The following SCARA3 variants were observed in gnomAD, a reference collection of about 807,000 sequenced individuals.
The protein encoded by SCARA3 is cellular stress response gene protein.
A neutral mutation model predicts 47.0 loss-of-function variants in SCARA3; 39 were observed. The observed-to-expected ratio is 0.83, with a 90% CI of 0.64 to 1.08. SCARA3 has a LOEUF of 1.08. Ranked by LOEUF, SCARA3 falls within the 50% of genes least tolerant of loss-of-function variation. The probability of loss-of-function intolerance (pLI) is 0.00; values close to 1 mark genes in which losing one functional copy is unlikely to be tolerated. For synonymous variants in SCARA3, 356 were observed against 334.1 expected (o/e 1.07, Z -0.71); for missense variants, 724 against 792.3 (o/e 0.91, Z 1.04).
intron 4 of SCARA3, 83 bp from the exon 5 acceptor site, chr8:27,658,413 A>T (rs551604647): frequency 1.5e-6 from 2 of 1,322,348 alleles, no homozygotes; most frequent in East Asian, 2.4e-5. Context: ...CCAATTTCTT[A>T]TGCTCTGAAA....
the SCARA3 span, among the ~76,000 whole-genome samples, chr8:27,719,765 T>C: frequency 7.2e-5 from 11 of 152,318 alleles, no homozygotes; most frequent in Middle Eastern, 3.4e-3. Context: ...GCAGATGTAG[T>C]AATTGGCAAA....
downstream of SCARA3, among the ~76,000 whole-genome samples, chr8:27,675,356 C>G (rs1460907888): frequency 1.3e-5 from 2 of 152,240 alleles, no homozygotes; most frequent in Admixed American, 6.5e-5. Context: ...GCTGGGCTGG[C>G]AAGCCTTGAC....
At position 27,671,163 on chromosome 8, in the gene SCARA3, C is replaced by A. The variant is rs761239583; in HGVS notation, c.1633C>A (p.Pro545Thr). 5.0e-5 allele frequency: 76 copies of A among 1,531,168 alleles called. No individual in the cohort carries two copies. The highest frequency in any genetic ancestry group is 5.5e-5 in the Non-Finnish European group (63 of 1,142,790). 94.8% of individuals were successfully genotyped at this position (1,531,168 alleles called of 1,614,324 possible). A position where few individuals can be genotyped will look rare whatever the true frequency, so the allele number is the denominator to read the frequency against. ...GQPGPKGDIG[P>T]PGPEGPPGSP... ...GCCAGGCCCAAAAGGGGACATAGGG[C>A]CCCCAGGGCCAGAAGGGCCCCCGGG... The change falls in exon 6 of 6, where the codon CCC becomes ACC. Residue 545 changes from proline (P) to threonine (T), a missense_variant. Pro to Thr is a conservative substitution (Grantham distance 38). Coordinates refer to ENST00000301904, the MANE Select transcript of SCARA3 (RefSeq NM_016240.3).
Position 27,658,731 on chromosome 8 carries a change from C to T in SCARA3, c.561C>T (p.Leu187=). The T allele has an allele frequency of 6.2e-7, 1 of 1,614,162 alleles. No homozygotes were observed. ...ACCAGGTTAACCAGTCTCTGGGGCTCTTCCTGGCCCAGGTGAGAGGCTGGC... is the reference window on the plus strand; with the variant it reads ...ACCAGGTTAACCAGTCTCTGGGGCTTTTCCTGGCCCAGGTGAGAGGCTGGC... ...SIHQVNQSLG[L]FLAQVRGWQA... Residue 187 remains leucine (L), a synonymous_variant, in exon 5 of 6, where the codon CTC becomes CTT. Coordinates refer to ENST00000301904, the MANE Select transcript of SCARA3 (RefSeq NM_016240.3).
the SCARA3 span, among the ~76,000 whole-genome samples, chr8:27,720,241 G>A: frequency 2.0e-5 from 3 of 152,136 alleles, no homozygotes; most frequent in Non-Finnish European, 4.4e-5. Flanking sequence ...TCTGAGTGGC[G>A]AGGGGAGGCC....
chr8:27,722,103 A>G, the SCARA3 span, among the ~76,000 whole-genome samples: 1 of 152,182 alleles, frequency 6.6e-6, no homozygotes, highest in East Asian at 1.9e-4. Context: ...ATGAAATGAA[A>G]TATTTATGAA....
intron 1 of SCARA3, among the ~76,000 whole-genome samples, chr8:27,643,519 C>T (rs757036142): frequency 6.6e-6 from 1 of 152,146 alleles, no homozygotes; most frequent in Non-Finnish European, 1.5e-5. Context: ...GATTCCCAAC[C>T]GATTACAGAC....
In SCARA3 at chr8:27,671,598, G is replaced by A. The variant is rs935623301; in HGVS notation, c.*247G>A. 9.7e-6 allele frequency: 12 copies of A among 1,234,008 alleles called. No individual in the cohort carries two copies. Among genetic ancestry groups the A allele is most frequent in the Non-Finnish European group, 1.2e-5 (12 of 989,410 alleles). The allele number at this position is 1,234,008 out of a possible 1,614,324, so 76.4% of individuals were successfully genotyped here. A position where few individuals can be genotyped will look rare whatever the true frequency, so the allele number is the denominator to read the frequency against. On this transcript the variant is annotated 3_prime_UTR_variant, in exon 6 of 6. Coordinates refer to ENST00000301904, the MANE Select transcript of SCARA3 (RefSeq NM_016240.3). The stretch of plus-strand genomic sequence containing the variant: ...CACACATGCACACATACACGCACAT[G>A]CACACATACACATGCATGCACACAT...
chr8:27,651,020 C>T (rs1018580170), intron 2 of SCARA3, among the ~76,000 whole-genome samples: 1 of 152,206 alleles, frequency 6.6e-6, no homozygotes, highest in Non-Finnish European at 1.5e-5. Context: ...CTACTGTACC[C>T]GGCAGGCTTT....
the SCARA3 span, among the ~76,000 whole-genome samples, chr8:27,706,386 C>T: frequency 6.6e-6 from 1 of 152,200 alleles, no homozygotes; most frequent in Admixed American, 6.5e-5. Flanking sequence ...CTCCTGACCT[C>T]GAGTGATCTG....
intron 1 of SCARA3, 35 bp downstream of exon 1, chr8:27,634,242 G>T (rs896782794): frequency 7.5e-7 from 1 of 1,334,930 alleles, no homozygotes; most frequent in Non-Finnish European, 9.6e-7. Flanking sequence ...CTCCGAGGGG[G>T]GCCGCCTGCA....
the SCARA3 span, among the ~76,000 whole-genome samples, chr8:27,710,397 C>G: frequency 1.3e-5 from 2 of 152,162 alleles, no homozygotes; most frequent in Non-Finnish European, 2.9e-5. Flanking sequence ...TTTATACATA[C>G]AGCCTCTTTT....
At chr8:27,675,978 G>A (rs374770328), downstream of SCARA3, among the ~76,000 whole-genome samples, 1 of 152,122 alleles carries the variant, frequency 6.6e-6, no homozygotes, top group African/African-American at 2.4e-5. Context: ...AGAGCCACAG[G>A]TGTAGGAGAT....
At chr8:27,705,813 G>C in the SCARA3 span, among the ~76,000 whole-genome samples, 4,146 of 152,326 alleles carry the variant, frequency 0.027, 191 homozygotes, top group African/African-American at 0.095. Flanking sequence ...AAGGATAGGA[G>C]TATAAACTAG....
intron 5 of SCARA3, among the ~76,000 whole-genome samples, chr8:27,663,228 C>T (rs542876): frequency 0.36 from 54,588 of 152,128 alleles, 10,746 homozygotes; most frequent in Middle Eastern, 0.52. Flanking sequence ...CCTTCAGGGA[C>T]GTCTCAGGAA....
the SCARA3 span, among the ~76,000 whole-genome samples, chr8:27,693,641 G>A: frequency 2.0e-5 from 3 of 152,272 alleles, no homozygotes; most frequent in Non-Finnish European, 4.4e-5. Context: ...TGATGGAAGT[G>A]GGGGTTGGAC....
At chr8:27,667,030 T>C (rs1802031531) in intron 5 of SCARA3, among the ~76,000 whole-genome samples, 1 of 152,210 alleles carries the variant, frequency 6.6e-6, no homozygotes, top group African/African-American at 2.4e-5. Context: ...CCCATCTTCC[T>C]TGGTGGCCTG....
At chr8:27,660,842 CTAGA>C (rs113873031) in intron 5 of SCARA3, among the ~76,000 whole-genome samples, 26,546 of 113,372 alleles carry the variant, frequency 0.23, 2,710 homozygotes, top group Non-Finnish European at 0.3. Context: ...AGCTAGCTAG[CTAGA>C]TAGATAGATA....
chr8:27,701,620 T>C, the SCARA3 span: 1 of 151,384 alleles, frequency 6.6e-6, no homozygotes, highest in African/African-American at 2.4e-5. Context: ...CTCTTTTTTT[T>C]AGTGGCAAGG....
Sources: gnomAD v4.1 joint callset for allele counts (sites outside exome capture counted in the v4.1 genomes callset) on GRCh38, gnomAD v4.1.1 for gene constraint, MANE v1.5 for transcripts, NCBI Gene and HGNC (gene_info 2026-07-23, HGNC 2026-07-21) for gene names.